Variants in CEP72 observed in about 807,000 individuals in gnomAD.
CEP72 encodes centrosomal protein of 72 kDa.
In CEP72, 78 loss-of-function variants were observed where a neutral mutation model predicts 65.7. The observed-to-expected ratio is 1.19, with a 90% CI of 0.99 to 1.43. The LOEUF (loss-of-function observed/expected upper bound fraction) is 1.43. CEP72 is among the 40% of genes most tolerant of loss of function. The pLI is 0.00. For synonymous variants in CEP72, 358 were observed against 351.7 expected, an observed-to-expected ratio of 1.02 and a Z score of -0.20; for missense variants, 914 against 832.9, an observed-to-expected ratio of 1.10 and a Z score of -1.20.
intron 1 of CEP72, among the ~76,000 whole-genome samples, chr5:617,826 C>T (rs1490346134): frequency 5.3e-5 from 8 of 152,138 alleles, no homozygotes; most frequent in Admixed American, 1.3e-4. Flanking sequence ...GATCGCACCA[C>T]GGTACTCCAG....
intron 1 of CEP72, among the ~76,000 whole-genome samples, chr5:615,990 G>A (rs532111629): frequency 2.0e-5 from 3 of 152,158 alleles, no homozygotes; most frequent in African/African-American, 7.2e-5. Flanking sequence ...GTTGTCTTAA[G>A]TATTTCCTCT....
intron 2 of CEP72, 44 bp from the exon 3 acceptor site, chr5:620,023 TTC>T: frequency 6.6e-7 from 1 of 1,521,442 alleles, no homozygotes; most frequent in South Asian, 1.1e-5. Context: ...CACTGTGTAT[TTC>T]TTGTTTAAAG....
chr5:651,423 G>T (rs1168738988), intron 11 of CEP72, among the ~76,000 whole-genome samples: 8 of 151,976 alleles, frequency 5.3e-5, no homozygotes, highest in African/African-American at 1.9e-4. Flanking sequence ...GATATGACCT[G>T]TGTGCAGTGT....
intron 1 of CEP72, among the ~76,000 whole-genome samples, chr5:614,065 T>C (rs765663125): frequency 6.6e-6 from 1 of 152,240 alleles, no homozygotes; most frequent in Non-Finnish European, 1.5e-5. Flanking sequence ...TTTCTGTTCC[T>C]GATGTTGATA....
At chr5:646,654 C>G (rs557384976) in intron 10 of CEP72, among the ~76,000 whole-genome samples, 1 of 152,312 alleles carries the variant, frequency 6.6e-6, no homozygotes, top group South Asian at 2.1e-4. Flanking sequence ...AGGGATTGCA[C>G]GGCTGCCTCA....
chr5:666,256 G>A, intron 4 of CEP72: 1 of 993,304 alleles, frequency 1.0e-6, no homozygotes, highest in Non-Finnish European at 1.5e-6. Flanking sequence ...GGCCGCCCTG[G>A]TAGCACTGCA....
rs150656419 is a variant in CEP72, at chr5:644,300, A to T, written c.1541A>T (p.Asp514Val). The T allele has an allele frequency of 2.6e-5, 42 of 1,613,390 alleles. No homozygotes were observed. Among genetic ancestry groups the T allele is most frequent in the Non-Finnish European group, 3.2e-5 (38 of 1,179,736 alleles). ...AELHHTHKEL[D>V]DLRQHLDKSL... ...TAAGTGTATTTTCTGTGTCCGCAGG[A>T]TGATTTGAGACAACATTTAGATAAA... Residue 514 changes from aspartate to valine, a missense_variant and splice_region_variant, in exon 10 of 12, where the codon GAT (aspartate) becomes GTT (valine). Physicochemically the swap from Asp to Val is radical, Grantham distance 152. Transcript: ENST00000264935.
chr5:651,867 G>A (rs79956199), intron 11 of CEP72, among the ~76,000 whole-genome samples: 3,098 of 65,788 alleles, frequency 0.047, 53 homozygotes, highest in Non-Finnish European at 0.064. Flanking sequence ...TCCCATTCCC[G>A]CTCCCTCCCC....
the CEP72 span, chr5:675,749 T>G: frequency 6.5e-6 from 1 of 153,236 alleles, no homozygotes; most frequent in Admixed American, 6.5e-5. Context: ...GCCCCAGGGA[T>G]GAGTGGTCCT....
chr5:643,744 G>A (rs1372917777), intron 9 of CEP72: 19 of 844,370 alleles, frequency 2.3e-5, no homozygotes, highest in Non-Finnish European at 2.7e-5. Context: ...CAGACACCCT[G>A]GGGCCAGGGA....
At position 624,771 on chromosome 5, in the gene CEP72, C is replaced by T. The variant is rs1303354991; in HGVS notation, c.512+192C>T. 6.6e-6 allele frequency among the ~76,000 whole-genome samples: 1 copy of T among 152,158 alleles called. No individual in the cohort carries two copies. The highest frequency in any genetic ancestry group is 6.5e-5 in the Admixed American group (1 of 15,276). ...GGCCTCTCTCCTGTTCTCCACATTCCTAGGAGTTATTTTTAATATCGAAAC... is the reference window on the plus strand; with the variant it reads ...GGCCTCTCTCCTGTTCTCCACATTCTTAGGAGTTATTTTTAATATCGAAAC... On this transcript the variant is annotated intron_variant, in intron 4 of 11. Transcript: ENST00000264935. The surrounding 1 kb of genome is among the most constrained non-coding windows in gnomAD (Gnocchi z 4.7).
chr5:655,938 T>C (rs1486978481), downstream of CEP72, among the ~76,000 whole-genome samples: 1 of 152,222 alleles, frequency 6.6e-6, no homozygotes, highest in African/African-American at 2.4e-5. The surrounding 1 kb of genome is among the most constrained non-coding windows in gnomAD (Gnocchi z 5.0). Context: ...TGTATCAATA[T>C]TTTCTTTTAT....
chr5:624,131 G>T lies in CEP72; in HGVS notation c.404-340G>T, dbSNP rs550922912. The stretch of plus-strand genomic sequence containing the variant: ...CTCTCGGGCCGGGCAGGCTCCCTCC[G>T]TGGAGGCTTCTCTGGGTTACCTGAG... On this transcript the variant is annotated intron_variant, in intron 3 of 11. Coordinates refer to ENST00000264935, the MANE Select transcript of CEP72 (RefSeq NM_018140.4). This position sits in a 1 kb window ranked among gnomAD's most constrained non-coding sequence, Gnocchi z 4.7. Among the ~76,000 whole-genome samples, 3 of 152,332 alleles carry T rather than the reference G, an allele frequency of 2.0e-5. No homozygotes were observed. Among genetic ancestry groups the T allele is most frequent in the Admixed American group, 2.0e-4 (3 of 15,312 alleles).
At chr5:612,681 C>T (rs1361864646) in intron 1 of CEP72, 1 of 887,146 alleles carries the variant, frequency 1.1e-6, no homozygotes, top group East Asian at 1.3e-4. Flanking sequence ...GCCTGTCTAT[C>T]GGGTCACTGG....
intron 4 of CEP72, among the ~76,000 whole-genome samples, chr5:629,684 GC>G (rs1356700040): frequency 1.7e-5 from 1 of 58,182 alleles, no homozygotes; most frequent in African/African-American, 1.1e-4. Context: ...TCTGTCCAGT[GC>G]CGGGATTTGG....
chr5:668,242 G>A (rs71585296), downstream of CEP72, among the ~76,000 whole-genome samples: 3 of 62,830 alleles, frequency 4.8e-5, no homozygotes, highest in African/African-American at 2.5e-4. Flanking sequence ...TGTGGGCGCC[G>A]TCAGGGAAGT....
At chr5:673,576 AGCCT>A in the CEP72 span, among the ~76,000 whole-genome samples, 1 of 152,144 alleles carries the variant, frequency 6.6e-6, no homozygotes, top group Non-Finnish European at 1.5e-5. Context: ...CACGGTGCCC[AGCCT>A]GCCGACCAGG....
downstream of CEP72, chr5:660,410 G>A (rs1739539852): frequency 6.6e-6 from 1 of 152,282 alleles, no homozygotes; most frequent in South Asian, 2.1e-4. Context: ...CATGCCCAGG[G>A]ACAAACGCTG....
chr5:675,286 T>C, the CEP72 span, among the ~76,000 whole-genome samples: 1 of 67,136 alleles, frequency 1.5e-5, no homozygotes. Context: ...GGGGGTTCAG[T>C]GTGGCCAGGG....
Sources: gnomAD v4.1 joint callset for allele counts (sites outside exome capture counted in the v4.1 genomes callset) on GRCh38, gnomAD v4.1.1 for gene constraint, Gnocchi (gnomAD v3.1) non-coding constraint, MANE v1.5 for transcripts, NCBI Gene and HGNC (gene_info 2026-07-23, HGNC 2026-07-21) for gene names.